Variants in PTCD2 observed in about 807,000 individuals in gnomAD.
The protein encoded by PTCD2 is pentatricopeptide repeat domain 2.
Under a neutral mutation model 42.6 loss-of-function variants are expected in PTCD2, and 31 were observed. That is an observed-to-expected ratio of 0.73 (90% CI 0.55 to 0.98). The LOEUF is 0.98. Among genes scored for constraint, PTCD2 ranks in the 50% least tolerant of loss-of-function variants. The pLI, the probability that PTCD2 is intolerant of heterozygous loss-of-function variation, is 0.00. For missense variants in PTCD2, 476 were observed against 454.8 expected (o/e 1.05, Z -0.42); for synonymous variants, 183 against 170.9 (o/e 1.07, Z -0.55).
chr5:72,352,913 A>AT (rs1423183711), intron 9 of PTCD2, among the ~76,000 whole-genome samples, 159 bp downstream of exon 9: 5 of 151,688 alleles, frequency 3.3e-5, no homozygotes, highest in South Asian at 2.1e-4. Context: ...ATGTGCAAAG[A>AT]TTTTTTTTTC....
At chr5:72,336,063 T>C (rs1751725105) in intron 6 of PTCD2, among the ~76,000 whole-genome samples, 178 bp downstream of exon 6, 1 of 152,240 alleles carries the variant, frequency 6.6e-6, no homozygotes, top group Admixed American at 6.5e-5. Flanking sequence ...CAGGCAGTTT[T>C]ATGGGAAAAG....
intron 3 of PTCD2, among the ~76,000 whole-genome samples, chr5:72,330,708 A>G (rs1268123415): frequency 6.6e-6 from 1 of 152,242 alleles, no homozygotes; most frequent in Non-Finnish European, 1.5e-5. Context: ...TTAAACATTC[A>G]AAACCACATT....
In PTCD2 at chr5:72,335,022, T is replaced by C. The variant is rs760481244; in HGVS notation, c.473T>C (p.Leu158Ser). The change falls in exon 5 of 10, where the codon TTA (leucine) becomes TCA (serine). Residue 158 changes from leucine (L) to serine (S), a missense_variant. Transcript: ENST00000380639. ...SAVELMKDQH[L>S]RGFFSDSTSF... ...TGTATTGTTCTTCTTCGTTAGCATT[T>C]ACGAGGTTTCTTCTCAGACTCCACA... is the stretch of plus-strand genomic sequence containing the variant. The C allele has an allele frequency of 3.8e-6, 6 of 1,586,628 alleles. No homozygotes were observed. Among genetic ancestry groups the C allele is most frequent in the Non-Finnish European group, 5.2e-6 (6 of 1,155,600 alleles).
intron 3 of PTCD2, among the ~76,000 whole-genome samples, chr5:72,327,412 A>C (rs1751203792): frequency 6.6e-6 from 1 of 152,160 alleles, no homozygotes; most frequent in Admixed American, 6.6e-5. Context: ...TATGACATCA[A>C]ATCAACAGAC....
rs2112252847 is a variant in PTCD2 at position 72,361,885 on chromosome 5, C to G, written c.*3458C>G. 6.6e-6 allele frequency: 1 copy of G among 152,390 alleles called. No homozygotes were observed. Among genetic ancestry groups the G allele is most frequent in the Non-Finnish European group, 1.5e-5 (1 of 68,074 alleles). The allele number at this position is 152,390 out of a possible 1,614,324, so 9.4% of individuals were successfully genotyped here. A position where few individuals can be genotyped will look rare whatever the true frequency, so the allele number is the denominator to read the frequency against. On this transcript the variant is annotated 3_prime_UTR_variant, in exon 10 of 10. Coordinates refer to ENST00000380639, the MANE Select transcript of PTCD2 (RefSeq NM_024754.5). Reference sequence around the variant, plus strand: ...ATCTGAGAAGGCTTTCTGGTCTAGTCTCACCTGGTTAGGTGAACTCCCCAT... The same window carrying G: ...ATCTGAGAAGGCTTTCTGGTCTAGTGTCACCTGGTTAGGTGAACTCCCCAT...
Position 72,365,796 on chromosome 5 carries a change from T to G in PTCD2, c.*7369T>G, listed in dbSNP as rs749386721. 2.0e-5 allele frequency: 3 copies of G among 152,196 alleles called. No homozygotes were observed. The highest frequency in any genetic ancestry group is 2.9e-5 in the Non-Finnish European group (2 of 68,036). 9.4% of individuals were successfully genotyped at this position (152,196 alleles called of 1,614,324 possible). A position where few individuals can be genotyped will look rare whatever the true frequency, so the allele number is the denominator to read the frequency against. ...AGCAGAGAAAATGTCATTTCCAATT[T>G]AGAAGATCATAATCGATTTTTAACA... On this transcript the variant is annotated 3_prime_UTR_variant, in exon 10 of 10. Coordinates refer to ENST00000380639, the MANE Select transcript of PTCD2 (RefSeq NM_024754.5).
In PTCD2 at chr5:72,358,466, T is replaced by G; in HGVS notation, c.*39T>G. The G allele has an allele frequency of 7.0e-7, 1 of 1,436,526 alleles. No homozygotes were observed. Among genetic ancestry groups the G allele is most frequent in the Non-Finnish European group, 9.7e-7 (1 of 1,026,052 alleles). 89.0% of individuals were successfully genotyped at this position (1,436,526 alleles called of 1,614,324 possible). On this transcript the variant is annotated 3_prime_UTR_variant, in exon 10 of 10. Transcript: ENST00000380639. ...CCACCTATGGATCTGAGGGGCCTGCTTCTAGTGAGTTATTACCTTTCCTAA... is the reference window on the plus strand; with the variant it reads ...CCACCTATGGATCTGAGGGGCCTGCGTCTAGTGAGTTATTACCTTTCCTAA...
In PTCD2 at chr5:72,367,668, C is replaced by G. The variant is rs1314308659; in HGVS notation, c.*9241C>G. ...TTGATGGCCATTTGGTCAAACACCT[C>G]TAGGAGTCTGGAGTTGAGTGGCCAG... On this transcript the variant is annotated 3_prime_UTR_variant, in exon 10 of 10. Coordinates refer to ENST00000380639, the MANE Select transcript of PTCD2 (RefSeq NM_024754.5). 1.3e-5 allele frequency: 2 copies of G among 152,132 alleles called. No homozygotes were observed. Among genetic ancestry groups the G allele is most frequent in the Non-Finnish European group, 2.9e-5 (2 of 68,018 alleles). 9.4% of individuals were successfully genotyped at this position (152,132 alleles called of 1,614,324 possible).
chr5:72,356,009 G>C (rs1366803823), intron 9 of PTCD2, among the ~76,000 whole-genome samples: 1 of 152,170 alleles, frequency 6.6e-6, no homozygotes, highest in African/African-American at 2.4e-5. Flanking sequence ...TGATAAAAGG[G>C]AGCTTGTCAG....
chr5:72,351,779 G>T (rs1752634662), intron 8 of PTCD2, among the ~76,000 whole-genome samples: 2 of 152,024 alleles, frequency 1.3e-5, no homozygotes, highest in Admixed American at 1.3e-4. Flanking sequence ...TCCCTCCCCC[G>T]ACACTGGAGA....
At chr5:72,341,161 T>C (rs59307833) in intron 7 of PTCD2, among the ~76,000 whole-genome samples, 9,503 of 151,976 alleles carry the variant, frequency 0.063, 539 homozygotes, top group African/African-American at 0.15. Context: ...CAGCTAAATT[T>C]TTGTATTTTA....
At chr5:72,339,990 C>G (rs1751969840) in intron 7 of PTCD2, among the ~76,000 whole-genome samples, 1 of 152,048 alleles carries the variant, frequency 6.6e-6, no homozygotes, top group African/African-American at 2.4e-5. Context: ...AGCTTTGTCT[C>G]TTATATACTG....
rs899692125 is a variant in PTCD2 at position 72,359,844 on chromosome 5, G to GC, written c.*1417_*1418insC. ...GTACCACATTATCTCTTTTCAGAGG[G>GC]GAAAAAGGAGCAGCTCTTAAGAAAC... On this transcript the variant is annotated 3_prime_UTR_variant, in exon 10 of 10. Coordinates refer to ENST00000380639, the MANE Select transcript of PTCD2 (RefSeq NM_024754.5). 2.0e-5 allele frequency: 3 copies of GC among 152,116 alleles called. No homozygotes were observed. The highest frequency in any genetic ancestry group is 4.8e-5 in the African/African-American group (2 of 41,520). The allele number at this position is 152,116 out of a possible 1,614,324, so 9.4% of individuals were successfully genotyped here. A position where few individuals can be genotyped will look rare whatever the true frequency, so the allele number is the denominator to read the frequency against.
intron 4 of PTCD2, among the ~76,000 whole-genome samples, chr5:72,334,176 A>G (rs1580155295): frequency 6.6e-6 from 1 of 152,296 alleles, no homozygotes; most frequent in East Asian, 1.9e-4. Context: ...AAATATATAC[A>G]ATTTTTATTT....
chr5:72,349,730 T>G (rs528137615), intron 8 of PTCD2, among the ~76,000 whole-genome samples: 20 of 152,308 alleles, frequency 1.3e-4, no homozygotes, highest in Non-Finnish European at 1.2e-4. Context: ...TCTGTAAGAT[T>G]AAGGCAATGT....
rs1452895209 is a variant in PTCD2, at chr5:72,360,277, T to C, written c.*1850T>C. ...TTAGGGAATAATAGGGCATGCTTCC[T>C]GTCCCCCCAGCTTACTTTTCATCTT... On this transcript the variant is annotated 3_prime_UTR_variant, in exon 10 of 10. Transcript: ENST00000380639. 2 of 152,092 alleles carry C rather than the reference T, an allele frequency of 1.3e-5. No homozygotes were observed. The highest frequency in any genetic ancestry group is 2.9e-5 in the Non-Finnish European group (2 of 68,012). 9.4% of individuals were successfully genotyped at this position (152,092 alleles called of 1,614,324 possible).
chr5:72,340,681 A>G (rs1023132351), intron 7 of PTCD2, among the ~76,000 whole-genome samples: 6 of 151,990 alleles, frequency 3.9e-5, no homozygotes, highest in African/African-American at 1.5e-4. Flanking sequence ...ATTTTAAATT[A>G]TTTTATTTGC....
chr5:72,332,570 AC>A (rs1486099105), intron 4 of PTCD2, among the ~76,000 whole-genome samples: 2 of 152,228 alleles, frequency 1.3e-5, no homozygotes, highest in African/African-American at 4.8e-5. Flanking sequence ...TTAAAGGAAA[AC>A]AAAAGCTTCC....
chr5:72,338,640 A>G lies in PTCD2; in HGVS notation c.658A>G (p.Lys220Glu). The G allele has an allele frequency of 6.2e-7, 1 of 1,604,854 alleles. No individual in the cohort carries two copies. The highest frequency in any genetic ancestry group is 1.1e-5 in the South Asian group (1 of 90,516). ...CYKLNSPESF[K>E]ICTTLREEAL... Reference sequence around the variant, plus strand: ...CTCACAGAATAGCCCTGAGTCTTTCAAAATCTGTACTACATTAAGAGAAGA... The same window carrying G: ...CTCACAGAATAGCCCTGAGTCTTTCGAAATCTGTACTACATTAAGAGAAGA... The change falls in exon 7 of 10, where the codon AAA (lysine) becomes GAA (glutamate). Residue 220 changes from lysine (K) to glutamate (E), a missense_variant. Lys to Glu is a moderately conservative substitution (Grantham distance 56). Coordinates refer to ENST00000380639, the MANE Select transcript of PTCD2 (RefSeq NM_024754.5).
Sources: allele counts gnomAD v4.1 joint callset (sites outside exome capture counted in the v4.1 genomes callset), GRCh38; gene constraint gnomAD v4.1.1; transcripts MANE v1.5; gene names NCBI Gene and HGNC (gene_info 2026-07-23, HGNC 2026-07-21).